ARHGAP24: variants seen among roughly 807,000 people sequenced by gnomAD.
ARHGAP24 encodes Rho GTPase activating protein 24.
Under a neutral mutation model 76.4 loss-of-function variants are expected in ARHGAP24, and 50 were observed. That is an observed-to-expected ratio of 0.65 (90% confidence interval 0.52 to 0.83). The LOEUF is 0.83. ARHGAP24 is among the 40% of genes least tolerant of loss of function. The probability of loss-of-function intolerance (pLI) is 0.00; values close to 1 mark genes in which losing one functional copy is unlikely to be tolerated. For synonymous variants in ARHGAP24, 345 were observed against 323.3 expected (o/e 1.07, Z -0.72); for missense variants, 930 against 914.2 (o/e 1.02, Z -0.22).
intron 1 of ARHGAP24, among the ~76,000 whole-genome samples, chr4:85,553,870 T>C (rs549441016): frequency 1.3e-5 from 2 of 152,310 alleles, no homozygotes; most frequent in Admixed American, 6.5e-5. Context: ...TGGTAAATGG[T>C]TATTATGTAG....
At chr4:85,799,781 G>A (rs1458226415) in intron 3 of ARHGAP24, among the ~76,000 whole-genome samples, 2 of 152,046 alleles carry the variant, frequency 1.3e-5, no homozygotes, top group African/African-American at 4.8e-5. Flanking sequence ...TAATACTACT[G>A]GTAATATACT....
At chr4:85,616,808 A>G (rs2110000172) in intron 2 of ARHGAP24, among the ~76,000 whole-genome samples, 1 of 152,008 alleles carries the variant, frequency 6.6e-6, no homozygotes, top group Non-Finnish European at 1.5e-5. Flanking sequence ...TTGTATTTTT[A>G]GTAGAGATGG....
chr4:85,500,081 A>AG (rs1349123731), intron 1 of ARHGAP24, among the ~76,000 whole-genome samples: 1 of 152,200 alleles, frequency 6.6e-6, no homozygotes, highest in African/African-American at 2.4e-5. Context: ...TATGAAAAAA[A>AG]GAATATAAAA....
intron 2 of ARHGAP24, among the ~76,000 whole-genome samples, chr4:85,594,984 CT>C (rs11331286): frequency 0.91 from 136,128 of 149,070 alleles, 62,173 homozygotes; most frequent in East Asian, 0.97. Flanking sequence ...ACTTTCTCCT[CT>C]TTTTTTTTTT....
At chr4:85,874,483 G>T (rs1190348156) in intron 3 of ARHGAP24, among the ~76,000 whole-genome samples, 3 of 151,952 alleles carry the variant, frequency 2.0e-5, no homozygotes, top group African/African-American at 7.3e-5. Flanking sequence ...CACTTCTATA[G>T]ATTTTCAGGT....
rs1396742992 is a variant in ARHGAP24 at position 85,666,603 on chromosome 4, G to T, written c.181-55282G>T. Among the ~76,000 whole-genome samples, 12 of 152,144 alleles carry T rather than the reference G, an allele frequency of 7.9e-5. No individual in the cohort carries two copies. In the South Asian group the frequency reaches 1.7e-3, roughly 21 times the overall value. On this transcript the variant is annotated intron_variant, in intron 2 of 9. Coordinates refer to ENST00000395184, the MANE Select transcript of ARHGAP24 (RefSeq NM_001025616.3). ...TTAGAGTTTCCAGTTTTTCTGCTCA[G>T]TTTTTTCCCCATCTTTGTGGGTTTA... is the stretch of plus-strand genomic sequence containing the variant.
chr4:85,760,041 T>A, intron 3 of ARHGAP24, among the ~76,000 whole-genome samples: 1 of 136,438 alleles, frequency 7.3e-6, no homozygotes, highest in South Asian at 2.3e-4. Context: ...TCAAATGAAC[T>A]TTTTTTCCTT....
intron 3 of ARHGAP24, among the ~76,000 whole-genome samples, chr4:85,801,560 G>T (rs1409118132): frequency 6.6e-6 from 1 of 152,182 alleles, no homozygotes; most frequent in Admixed American, 6.5e-5. Context: ...ATGTATAGAT[G>T]GTGTCTTATG....
chr4:85,578,895 G>C (rs898546929), intron 2 of ARHGAP24, among the ~76,000 whole-genome samples: 3 of 152,142 alleles, frequency 2.0e-5, no homozygotes, highest in Non-Finnish European at 2.9e-5. Flanking sequence ...TTTACAGGGA[G>C]GTGCTTTTCG....
chr4:85,789,117 G>A (rs371704392), intron 3 of ARHGAP24, among the ~76,000 whole-genome samples: 1 of 151,446 alleles, frequency 6.6e-6, no homozygotes, highest in Admixed American at 6.6e-5. Context: ...GGAACTTTCA[G>A]TCCCAGCACT....
intron 2 of ARHGAP24, among the ~76,000 whole-genome samples, chr4:85,699,210 G>A (rs2110024230): frequency 6.6e-6 from 1 of 152,262 alleles, no homozygotes; most frequent in African/African-American, 2.4e-5. Context: ...AGAGACTACA[G>A]CAGTATATGT....
chr4:85,913,199 T>G (rs1735183503), intron 3 of ARHGAP24, among the ~76,000 whole-genome samples: 1 of 152,084 alleles, frequency 6.6e-6, no homozygotes, highest in Non-Finnish European at 1.5e-5. Flanking sequence ...TTGTTTAGAC[T>G]GGCCTTTTCT....
chr4:85,645,358 T>C (rs1463810873), intron 2 of ARHGAP24, among the ~76,000 whole-genome samples: 4 of 152,148 alleles, frequency 2.6e-5, no homozygotes, highest in Non-Finnish European at 5.9e-5. Context: ...TAGATCTCTT[T>C]TCTTTTCTTT....
intron 1 of ARHGAP24, among the ~76,000 whole-genome samples, chr4:85,488,334 T>A (rs535758789): frequency 6.6e-6 from 1 of 152,234 alleles, no homozygotes; most frequent in African/African-American, 2.4e-5. Context: ...AAGTTTAGAT[T>A]AGAGGAGAAG....
At chr4:85,583,746 GA>G (rs1214920764) in intron 2 of ARHGAP24, among the ~76,000 whole-genome samples, 3,534 of 122,754 alleles carry the variant, frequency 0.029, 89 homozygotes, top group African/African-American at 0.07. Flanking sequence ...AAATTTACAA[GA>G]AAAAAAAAAA....
chr4:85,993,528 G>T (rs1282554399), intron 8 of ARHGAP24, among the ~76,000 whole-genome samples: 1 of 152,000 alleles, frequency 6.6e-6, no homozygotes, highest in Non-Finnish European at 1.5e-5. Context: ...TATTTCCCAG[G>T]TGTCACCGGA....
intron 2 of ARHGAP24, among the ~76,000 whole-genome samples, chr4:85,665,425 G>A (rs1230442327): frequency 2.6e-5 from 4 of 152,112 alleles, no homozygotes; most frequent in Non-Finnish European, 5.9e-5. Flanking sequence ...CGTGAGATGG[G>A]TATCCTGAAT....
In ARHGAP24 at chr4:85,526,783, C is replaced by A. The variant is rs1725019995; in HGVS notation, c.-20-43739C>A. Reference sequence around the variant, plus strand: ...GTGTCAATAATGAATTTATGAATCTCTTGTAGAGAATACAAACATAAGGAA... The same window carrying A: ...GTGTCAATAATGAATTTATGAATCTATTGTAGAGAATACAAACATAAGGAA... On this transcript the variant is annotated intron_variant, in intron 1 of 9. Coordinates refer to ENST00000395184, the MANE Select transcript of ARHGAP24 (RefSeq NM_001025616.3). 3.9e-5 allele frequency among the ~76,000 whole-genome samples: 6 copies of A among 152,154 alleles called. No homozygotes were observed. The South Asian group carries it at 1.2e-3, about 32-fold the overall frequency.
At chr4:85,950,490 G>C (rs1020070771) in intron 5 of ARHGAP24, among the ~76,000 whole-genome samples, 1 of 151,972 alleles carries the variant, frequency 6.6e-6, no homozygotes, top group Non-Finnish European at 1.5e-5. Context: ...GGCAGAGCAA[G>C]ACCTTTCTCT....
Sources: allele counts gnomAD v4.1 joint callset (sites outside exome capture counted in the v4.1 genomes callset), GRCh38; gene constraint gnomAD v4.1.1; transcripts MANE v1.5; gene names NCBI Gene and HGNC (gene_info 2026-07-23, HGNC 2026-07-21).